The following JAKMIP3 variants were observed in gnomAD, a reference collection of about 807,000 sequenced individuals.
The protein encoded by JAKMIP3 is janus kinase and microtubule-interacting protein 3.
Under a neutral mutation model 118.5 loss-of-function variants are expected in JAKMIP3, and 58 were observed. That is an observed-to-expected ratio of 0.49 (90% CI 0.40 to 0.61). The LOEUF (loss-of-function observed/expected upper bound fraction) is 0.61, where lower values mean the gene tolerates loss of function less well. Among genes scored for constraint, JAKMIP3 ranks in the 20% least tolerant of loss-of-function variants. The pLI, the probability that JAKMIP3 is intolerant of heterozygous loss-of-function variation, is 0.00. For missense variants in JAKMIP3, 950 were observed against 1,109.0 expected, an observed-to-expected ratio of 0.86 and a Z score of 2.04; for synonymous variants, 486 against 451.2, an observed-to-expected ratio of 1.08 and a Z score of -0.98.
intron 1 of JAKMIP3, among the ~76,000 whole-genome samples, 78 bp downstream of exon 1, chr10:132,066,139 T>C (rs1442543737): frequency 6.6e-6 from 1 of 152,224 alleles, no homozygotes; most frequent in African/African-American, 2.4e-5. Flanking sequence ...TCTTTCCACC[T>C]GGTGCTCTTC....
rs1168795630 is a variant in JAKMIP3, at chr10:132,139,301, TGTGTGA to T, written c.1344+1129_1344+1134del. Among the ~76,000 whole-genome samples, 142 of 113,446 alleles carry T rather than the reference TGTGTGA, an allele frequency of 1.3e-3. 7 individuals are homozygous for T. The highest frequency in any genetic ancestry group is 5.2e-3 in the South Asian group (16 of 3,074). The allele number at this position is 113,446 out of a possible 152,430, so 74.4% of individuals were successfully genotyped here. On this transcript the variant is annotated intron_variant, in intron 9 of 23. Coordinates refer to ENST00000684848, the MANE Select transcript of JAKMIP3 (RefSeq NM_001323087.2). ...GTGAGTGTATATGCATCTGTGTATG[TGTGTGA>T]GTGTGTATGTGTATGTGTGTGTGTT...
chr10:132,180,680 CGCGTGTGTGTGCGTGCGTGTGT>C (rs2061045453), intron 23 of JAKMIP3, among the ~76,000 whole-genome samples: 3 of 5,948 alleles, frequency 5.0e-4, no homozygotes, highest in Non-Finnish European at 9.9e-4. Context: ...TGTGTGCGCG[CGCGTGTGTGTGCGTGCGTGTGT>C]GTGTGCGCGT....
At chr10:132,059,029 G>A (rs936777304) in intron 1 of JAKMIP3, among the ~76,000 whole-genome samples, 4 of 152,242 alleles carry the variant, frequency 2.6e-5, no homozygotes, top group Non-Finnish European at 4.4e-5. Flanking sequence ...GGTTGGAGCC[G>A]TCGGATGCCC....
intron 1 of JAKMIP3, among the ~76,000 whole-genome samples, chr10:132,085,252 T>A (rs2134283661): frequency 6.6e-6 from 1 of 152,336 alleles, no homozygotes; most frequent in South Asian, 2.1e-4. Context: ...CGCTGCCTGT[T>A]ATTGGTCTGT....
In JAKMIP3 at chr10:132,117,596, G is replaced by A; in HGVS notation, c.633+22G>A. 1.1e-6 allele frequency: 1 copy of A among 901,114 alleles called. No homozygotes were observed. The highest frequency in any genetic ancestry group is 1.4e-6 in the Non-Finnish European group (1 of 691,842). The allele number at this position is 901,114 out of a possible 1,614,324, so 55.8% of individuals were successfully genotyped here. A position where few individuals can be genotyped will look rare whatever the true frequency, so the allele number is the denominator to read the frequency against. On this transcript the variant is annotated intron_variant, in intron 3 of 23. Transcript: ENST00000684848. This position sits in a 1 kb window ranked among gnomAD's most constrained non-coding sequence, Gnocchi z 8.6. ...GCTGGTACGTGGGCAGGCAGGGGCGGGCGTGGGCGAGGGTGCAGGGGCGGG... is the reference window on the plus strand; with the variant it reads ...GCTGGTACGTGGGCAGGCAGGGGCGAGCGTGGGCGAGGGTGCAGGGGCGGG...
At chr10:132,149,579 C>A in intron 15 of JAKMIP3, 69 bp downstream of exon 15, 1 of 432,726 alleles carries the variant, frequency 2.3e-6, no homozygotes, top group Non-Finnish European at 3.6e-6. Context: ...CCTCTCCGCC[C>A]CCGCCCCACC....
Position 132,180,714 on chromosome 10 carries a change from T to C in JAKMIP3, c.*1104-1643T>C, listed in dbSNP as rs867559607. ...GTGCGTGCGTGTGTGTGTGCGCGTG[T>C]GTGTGCGTGTGTGTGCGTGTGTGCG... is the stretch of plus-strand genomic sequence containing the variant. On this transcript the variant is annotated intron_variant, in intron 23 of 23. Transcript: ENST00000684848. 4.6e-3 allele frequency among the ~76,000 whole-genome samples: 122 copies of C among 26,606 alleles called. 31 individuals are homozygous for C. Among genetic ancestry groups the C allele is most frequent in the African/African-American group, 0.017 (77 of 4,480 alleles). The allele number at this position is 26,606 out of a possible 152,430, so 17.5% of individuals were successfully genotyped here. A position where few individuals can be genotyped will look rare whatever the true frequency, so the allele number is the denominator to read the frequency against.
At chr10:132,127,898 A>G (rs972906826) in intron 3 of JAKMIP3, among the ~76,000 whole-genome samples, 4 of 152,234 alleles carry the variant, frequency 2.6e-5, no homozygotes, top group African/African-American at 7.2e-5. Flanking sequence ...TTATAAGGCA[A>G]TAGGTCAACT....
chr10:132,145,431 C>T, intron 12 of JAKMIP3, 87 bp from the exon 13 acceptor site: 1 of 1,292,924 alleles, frequency 7.7e-7, no homozygotes, highest in Admixed American at 2.0e-5. Flanking sequence ...CCAGACTGGT[C>T]TTTGGTGTTC....
rs2059152612 is a variant in JAKMIP3, at chr10:132,168,312, C to T, written c.*382C>T. On this transcript the variant is annotated 3_prime_UTR_variant, in exon 23 of 24. Coordinates refer to ENST00000684848, the MANE Select transcript of JAKMIP3 (RefSeq NM_001323087.2). ...CTGTGCAGAAGCACCAGCCGCGGGT[C>T]CCCTCCTCTCTCTTGGTTCTCACAG... 1 of 1,289,400 alleles carries T rather than the reference C, an allele frequency of 7.8e-7. No homozygotes were observed. The highest frequency in any genetic ancestry group is 1.5e-5 in the African/African-American group (1 of 65,866). 79.9% of individuals were successfully genotyped at this position (1,289,400 alleles called of 1,614,324 possible).
chr10:132,154,551 T>C (rs1394493154), intron 19 of JAKMIP3, among the ~76,000 whole-genome samples: 1 of 152,170 alleles, frequency 6.6e-6, no homozygotes, highest in Admixed American at 6.5e-5. Flanking sequence ...TGGACTCCTA[T>C]CACGTGACGG....
chr10:132,164,899 G>A (rs1484442679), intron 21 of JAKMIP3, among the ~76,000 whole-genome samples, 164 bp downstream of exon 21: 2 of 149,874 alleles, frequency 1.3e-5, no homozygotes, highest in South Asian at 2.1e-4. Flanking sequence ...GGGCGGAGCT[G>A]AGCTGGGCGG....
chr10:132,175,326 G>A (rs963957028), intron 23 of JAKMIP3, among the ~76,000 whole-genome samples: 4 of 152,174 alleles, frequency 2.6e-5, no homozygotes, highest in Non-Finnish European at 4.4e-5. Flanking sequence ...GCATGTGAAT[G>A]TCCACCCAAG....
chr10:132,131,611 G>C (rs1447578889), intron 3 of JAKMIP3, among the ~76,000 whole-genome samples: 1 of 152,050 alleles, frequency 6.6e-6, no homozygotes, highest in Non-Finnish European at 1.5e-5. Context: ...GAGTGGAGCA[G>C]CTTGGGTAGG....
chr10:132,159,727 T>G (rs541370779), intron 19 of JAKMIP3, among the ~76,000 whole-genome samples: 4 of 85,422 alleles, frequency 4.7e-5, no homozygotes, highest in Admixed American at 4.6e-4. Flanking sequence ...TGGGGGCATG[T>G]CTTCCTGTGT....
chr10:132,043,618 C>T (rs1254810095), intron 1 of JAKMIP3, among the ~76,000 whole-genome samples: 1 of 152,228 alleles, frequency 6.6e-6, no homozygotes, highest in Non-Finnish European at 1.5e-5. Context: ...GAGAATCCCA[C>T]AGGCGCCTGG....
chr10:132,145,126 C>T lies in JAKMIP3; in HGVS notation c.1622C>T (p.Ala541Val). Residue 541 changes from alanine to valine, a missense_variant, in exon 12 of 24, where the codon GCC (alanine) becomes GTC (valine). Ala to Val is a moderately conservative substitution (Grantham distance 64). Transcript: ENST00000684848. The stretch of plus-strand genomic sequence containing the variant: ...CTACAGACCCGTGAGCAGCTACAAG[C>T]CGAAGTGCAGAGGGCACAGGCGCGG... ...REVKTREQLQ[A>V]EVQRAQARIE... The T allele has an allele frequency of 6.2e-7, 1 of 1,612,400 alleles. No individual in the cohort carries two copies. The highest frequency in any genetic ancestry group is 1.7e-5 in the Admixed American group (1 of 59,958).
chr10:132,138,347 G>A (rs1385262492), intron 9 of JAKMIP3, among the ~76,000 whole-genome samples, 169 bp downstream of exon 9: 2 of 137,414 alleles, frequency 1.5e-5, no homozygotes, highest in Non-Finnish European at 3.0e-5. Context: ...TGGAGAGTAT[G>A]CCGGGTGCGT....
chr10:132,055,151 C>T lies in JAKMIP3; in HGVS notation c.-138+18413C>T, dbSNP rs372361560. 3.0e-4 allele frequency among the ~76,000 whole-genome samples: 45 copies of T among 152,302 alleles called. 1 individual carries two copies. Among genetic ancestry groups the T allele is most frequent in the Admixed American group, 2.0e-3 (31 of 15,294 alleles). ...CCTGAGCAGTGATTCTAAAGTTGGACTCTTAACTGGGAGGTGCACAGCAGA... is the reference window on the plus strand; with the variant it reads ...CCTGAGCAGTGATTCTAAAGTTGGATTCTTAACTGGGAGGTGCACAGCAGA... On this transcript the variant is annotated intron_variant, in intron 1 of 23. Coordinates refer to the JAKMIP3 transcript ENST00000657785.
Sources: gnomAD v4.1 joint callset for allele counts (sites outside exome capture counted in the v4.1 genomes callset) on GRCh38, gnomAD v4.1.1 for gene constraint, Gnocchi (gnomAD v3.1) non-coding constraint, MANE v1.5 for transcripts, NCBI Gene and HGNC (gene_info 2026-07-23, HGNC 2026-07-21) for gene names.